Variants in TMEM132D observed in about 807,000 individuals in gnomAD.
TMEM132D encodes the protein mature OL transmembrane protein.
A neutral mutation model predicts 62.3 loss-of-function variants in TMEM132D; 21 were observed. The observed-to-expected ratio is 0.34, with a 90% CI of 0.24 to 0.49. The LOEUF (loss-of-function observed/expected upper bound fraction) is 0.49. TMEM132D is among the 20% of genes least tolerant of loss of function. TMEM132D has a pLI of 0.99. For synonymous variants in TMEM132D, 621 were observed against 575.6 expected (o/e 1.08, Z -1.13); for missense variants, 1,346 against 1,402.8 (o/e 0.96, Z 0.65).
At chr12:129,631,116 A>G (rs1879335480) in intron 2 of TMEM132D, among the ~76,000 whole-genome samples, 1 of 152,128 alleles carries the variant, frequency 6.6e-6, no homozygotes, top group African/African-American at 2.4e-5. Context: ...AGGTGAGAAC[A>G]ATGGGGTGCA....
chr12:129,137,750 C>T (rs1304591399), intron 5 of TMEM132D, among the ~76,000 whole-genome samples: 1 of 152,164 alleles, frequency 6.6e-6, no homozygotes, highest in Non-Finnish European at 1.5e-5. Flanking sequence ...GGCTATCTTG[C>T]AACCATGAGG....
chr12:129,557,702 C>G (rs1344673723), intron 2 of TMEM132D, among the ~76,000 whole-genome samples: 65 of 152,242 alleles, frequency 4.3e-4, no homozygotes, highest in Non-Finnish European at 2.2e-4. Context: ...AGAAACAGAG[C>G]AAGACCTTGA....
chr12:129,579,953 G>A (rs139697097), intron 2 of TMEM132D, among the ~76,000 whole-genome samples: 1 of 152,292 alleles, frequency 6.6e-6, no homozygotes, highest in East Asian at 1.9e-4. Context: ...TGATCTCAGG[G>A]TGCAGGAGGG....
At chr12:129,234,591 A>G (rs1326790730) in intron 4 of TMEM132D, among the ~76,000 whole-genome samples, 2 of 152,178 alleles carry the variant, frequency 1.3e-5, no homozygotes, top group Non-Finnish European at 2.9e-5. Context: ...ACACAAAACC[A>G]GTATATTTTT....
At position 129,720,062 on chromosome 12, in the gene TMEM132D, G is replaced by T. The variant is rs114534805; in HGVS notation, c.80-19364C>A. On this transcript the variant is annotated intron_variant, in intron 1 of 8. Transcript: ENST00000422113. Reference sequence around the variant, plus strand: ...ACCAAGTCTCGGAGTTGCCCTAAGCGTGGAAGGGATTCATGTCAGACACAC... The same window carrying T: ...ACCAAGTCTCGGAGTTGCCCTAAGCTTGGAAGGGATTCATGTCAGACACAC... Among the ~76,000 whole-genome samples, 1,368 of 152,260 alleles carry T rather than the reference G, an allele frequency of 9.0e-3. 23 individuals carry two copies. Among genetic ancestry groups the T allele is most frequent in the African/African-American group, 0.031 (1,291 of 41,550 alleles).
chr12:129,480,157 C>T (rs540683997), intron 3 of TMEM132D, among the ~76,000 whole-genome samples: 20 of 152,312 alleles, frequency 1.3e-4, no homozygotes, highest in Non-Finnish European at 2.6e-4. Context: ...GTCCAGGCAG[C>T]GGGGAATACC....
chr12:129,461,842 G>A (rs1030951027), intron 3 of TMEM132D, among the ~76,000 whole-genome samples: 17 of 152,114 alleles, frequency 1.1e-4, no homozygotes, highest in African/African-American at 3.4e-4. Flanking sequence ...ATAGCCATAT[G>A]GGTACACACA....
intron 1 of TMEM132D, among the ~76,000 whole-genome samples, chr12:129,859,152 C>T (rs2137366002): frequency 6.6e-6 from 1 of 152,268 alleles, no homozygotes; most frequent in South Asian, 2.1e-4. Flanking sequence ...TGAGAAGGTG[C>T]CATCTCCGAA....
chr12:129,192,633 T>C (rs1485871949), intron 5 of TMEM132D, among the ~76,000 whole-genome samples: 4 of 152,220 alleles, frequency 2.6e-5, no homozygotes, highest in Non-Finnish European at 5.9e-5. Context: ...CTCTTCTTAT[T>C]AATCTTTATT....
At chr12:129,526,797 T>C (rs1462463012) in intron 3 of TMEM132D, among the ~76,000 whole-genome samples, 1 of 152,232 alleles carries the variant, frequency 6.6e-6, no homozygotes, top group Non-Finnish European at 1.5e-5. Flanking sequence ...TCTTTTCTTT[T>C]GCCTGCAATG....
intron 1 of TMEM132D, among the ~76,000 whole-genome samples, chr12:129,759,074 C>G (rs1390050923): frequency 6.6e-6 from 1 of 152,006 alleles, no homozygotes; most frequent in Non-Finnish European, 1.5e-5. Flanking sequence ...GCTGGGATTA[C>G]AGGTGTGCAT....
Position 129,398,434 on chromosome 12 carries a change from T to C in TMEM132D, c.1116-60617A>G, listed in dbSNP as rs907688086. 2.8e-4 allele frequency among the ~76,000 whole-genome samples: 43 copies of C among 152,342 alleles called. 1 individual carries two copies. Among genetic ancestry groups the C allele is most frequent in the Non-Finnish European group, 1.2e-4 (8 of 68,022 alleles). ...TCTTCCCTGGGGCTCACTTCTTGTA[T>C]GTGGGAAGCACAATCTTTCCAAGAA... On this transcript the variant is annotated intron_variant, in intron 3 of 8. Transcript: ENST00000422113.
intron 1 of TMEM132D, among the ~76,000 whole-genome samples, chr12:129,794,087 T>C (rs202108414): frequency 1.4e-5 from 2 of 143,292 alleles, no homozygotes; most frequent in Non-Finnish European, 3.1e-5. Flanking sequence ...TTTTTTTTTT[T>C]CTTTTTTTTA....
At chr12:129,423,325 C>G (rs939272130) in intron 3 of TMEM132D, among the ~76,000 whole-genome samples, 1 of 151,968 alleles carries the variant, frequency 6.6e-6, no homozygotes, top group Non-Finnish European at 1.5e-5. Flanking sequence ...GAAAATCAGC[C>G]AAGGTGGAAT....
intron 2 of TMEM132D, among the ~76,000 whole-genome samples, chr12:129,664,421 A>ATTTTTTTTTT (rs34308998): frequency 1.8e-5 from 2 of 114,242 alleles, no homozygotes; most frequent in Non-Finnish European, 3.4e-5. Context: ...AATTACAAGA[A>ATTTTTTTTTT]TTTTTTTTTT....
intron 2 of TMEM132D, among the ~76,000 whole-genome samples, chr12:129,593,530 G>A (rs1878251588): frequency 6.6e-6 from 1 of 152,180 alleles, no homozygotes; most frequent in South Asian, 2.1e-4. Context: ...TGCTGAAAGT[G>A]GGTGGGGAGC....
chr12:129,625,298 A>C (rs1274655628), intron 2 of TMEM132D, among the ~76,000 whole-genome samples: 1 of 152,192 alleles, frequency 6.6e-6, no homozygotes, highest in African/African-American at 2.4e-5. Context: ...GGTACCCAAC[A>C]TTTTTGTAAG....
chr12:129,821,444 G>T (rs963990164), intron 1 of TMEM132D, among the ~76,000 whole-genome samples: 1 of 152,144 alleles, frequency 6.6e-6, no homozygotes, highest in South Asian at 2.1e-4. Flanking sequence ...CAGAAAACAG[G>T]CCAATGGAAC....
At position 129,329,248 on chromosome 12, in the gene TMEM132D, T is replaced by C. The variant is rs150263804; in HGVS notation, c.1299+8386A>G. On this transcript the variant is annotated intron_variant, in intron 4 of 8. Transcript: ENST00000422113. Reference sequence around the variant, plus strand: ...ACTGTGAATGCTGTTTAGGGAGCAATGGCTACTCAACAAACACACAATGCA... The same window carrying C: ...ACTGTGAATGCTGTTTAGGGAGCAACGGCTACTCAACAAACACACAATGCA... Among the ~76,000 whole-genome samples the C allele has an allele frequency of 6.6e-5, 10 of 152,124 alleles. No individual in the cohort carries two copies. In the East Asian group the frequency reaches 1.7e-3, roughly 27 times the overall value.
Sources: gnomAD v4.1 joint callset for allele counts (sites outside exome capture counted in the v4.1 genomes callset) on GRCh38, gnomAD v4.1.1 for gene constraint, MANE v1.5 for transcripts, NCBI Gene and HGNC (gene_info 2026-07-23, HGNC 2026-07-21) for gene names.